KCNQ1: variants seen among roughly 807,000 people sequenced by gnomAD.
KCNQ1 encodes the protein potassium voltage-gated channel subfamily KQT member 1.
A neutral mutation model predicts 72.4 loss-of-function variants in KCNQ1; 49 were observed. That is an observed-to-expected ratio of 0.68 (90% CI 0.54 to 0.86). KCNQ1 has a LOEUF of 0.86. KCNQ1 is among the 40% of genes least tolerant of loss of function. The probability of loss-of-function intolerance (pLI) is 0.00; values close to 1 mark genes in which losing one functional copy is unlikely to be tolerated. For synonymous variants in KCNQ1, 450 were observed against 412.6 expected (o/e 1.09, Z -1.10); for missense variants, 790 against 945.1 (o/e 0.84, Z 2.15).
At position 2,617,386 on chromosome 11, in the gene KCNQ1, T is replaced by C. The variant is rs1020569572; in HGVS notation, c.1393+28532T>C. ...GCACAATGTCTTCCAGTTTCATCCATGTGGCAAGTGGCAGGATCTCCTTTT... is the reference window on the plus strand; with the variant it reads ...GCACAATGTCTTCCAGTTTCATCCACGTGGCAAGTGGCAGGATCTCCTTTT... On this transcript the variant is annotated intron_variant, in intron 10 of 15. Transcript: ENST00000155840. The surrounding 1 kb of genome is among the most constrained non-coding windows in gnomAD (Gnocchi z 4.6). 2.5e-6 allele frequency: 1 copy of C among 398,356 alleles called. No individual in the cohort carries two copies. Among genetic ancestry groups the C allele is most frequent in the Admixed American group, 4.4e-5 (1 of 22,700 alleles). The allele number at this position is 398,356 out of a possible 1,614,324, so 24.7% of individuals were successfully genotyped here.
At chr11:2,540,011 G>A (rs1847797453) in intron 2 of KCNQ1, among the ~76,000 whole-genome samples, 1 of 152,224 alleles carries the variant, frequency 6.6e-6, no homozygotes, top group Non-Finnish European at 1.5e-5. Flanking sequence ...GGCGCAGGCA[G>A]GCTTGGGGGA....
chr11:2,747,282 G>C (rs1846156470), intron 11 of KCNQ1, among the ~76,000 whole-genome samples: 1 of 152,238 alleles, frequency 6.6e-6, no homozygotes, highest in Non-Finnish European at 1.5e-5. Context: ...ACTGTGCAAA[G>C]GACATTAATT....
At chr11:2,583,139 G>A (rs1206275730) in intron 6 of KCNQ1, among the ~76,000 whole-genome samples, 1 of 152,134 alleles carries the variant, frequency 6.6e-6, no homozygotes, top group African/African-American at 2.4e-5. Context: ...GGCAGCCGGT[G>A]TGGGGCGAGC....
At chr11:2,610,713 T>TG (rs2133790355) in intron 10 of KCNQ1, 1 of 384,310 alleles carries the variant, frequency 2.6e-6, no homozygotes, top group East Asian at 3.7e-5. Context: ...TATTCTTGGT[T>TG]GGCTTTTTTT....
rs1850221919 is a variant in KCNQ1 at position 2,673,368 on chromosome 11, G to C, written c.1514+11287G>C. On this transcript the variant is annotated intron_variant, in intron 11 of 15. Transcript: ENST00000155840. The surrounding 1 kb of genome is among the most constrained non-coding windows in gnomAD (Gnocchi z 4.5). ...CATTAGCAAACAAAGGGAAGTGACAGAGCAGAGCTCCCCTTGGCCTTTGTT... is the reference window on the plus strand; with the variant it reads ...CATTAGCAAACAAAGGGAAGTGACACAGCAGAGCTCCCCTTGGCCTTTGTT... 2.5e-6 allele frequency: 1 copy of C among 398,606 alleles called. No homozygotes were observed. Among genetic ancestry groups the C allele is most frequent in the Non-Finnish European group, 4.4e-6 (1 of 226,104 alleles). 24.7% of individuals were successfully genotyped at this position (398,606 alleles called of 1,614,324 possible). A position where few individuals can be genotyped will look rare whatever the true frequency, so the allele number is the denominator to read the frequency against.
intron 15 of KCNQ1, among the ~76,000 whole-genome samples, chr11:2,838,920 C>T (rs892453526): frequency 2.0e-5 from 3 of 151,552 alleles, no homozygotes; most frequent in African/African-American, 4.9e-5. Flanking sequence ...AGCACAAACA[C>T]GGCTCCTGGG....
At chr11:2,810,864 A>G (rs1175125202) in intron 15 of KCNQ1, among the ~76,000 whole-genome samples, 1 of 152,182 alleles carries the variant, frequency 6.6e-6, no homozygotes, top group Non-Finnish European at 1.5e-5. Flanking sequence ...CTCGAGGTAC[A>G]GGGCTGGCAG....
At chr11:2,582,754 A>G (rs1442190098) in intron 6 of KCNQ1, among the ~76,000 whole-genome samples, 1 of 152,082 alleles carries the variant, frequency 6.6e-6, no homozygotes, top group Non-Finnish European at 1.5e-5. Flanking sequence ...GCCTGCACGG[A>G]CCAGGCCCAG....
At chr11:2,629,213 T>C (rs376087860) in intron 10 of KCNQ1, 5 of 398,286 alleles carry the variant, frequency 1.3e-5, no homozygotes, top group East Asian at 7.1e-5. Context: ...ATTTATTCTA[T>C]TGATCTATGA....
intron 1 of KCNQ1, among the ~76,000 whole-genome samples, chr11:2,512,235 C>A (rs1847221198): frequency 6.6e-6 from 1 of 152,198 alleles, no homozygotes; most frequent in Non-Finnish European, 1.5e-5. Flanking sequence ...CTCAGCCTTC[C>A]CTGGACTCAG....
At chr11:2,554,252 G>C (rs1008479607) in intron 2 of KCNQ1, among the ~76,000 whole-genome samples, 2 of 152,240 alleles carry the variant, frequency 1.3e-5, no homozygotes, top group African/African-American at 4.8e-5. Flanking sequence ...TTGATAGCTA[G>C]AACATGTGGA....
chr11:2,705,507 C>T (rs545180366), intron 11 of KCNQ1, among the ~76,000 whole-genome samples: 20 of 152,308 alleles, frequency 1.3e-4, no homozygotes, highest in Admixed American at 7.8e-4. Flanking sequence ...GTGAACTGGG[C>T]CTGCCAGACC....
intron 10 of KCNQ1, chr11:2,609,947 G>T (rs908537924): frequency 5.0e-6 from 2 of 397,838 alleles, no homozygotes; most frequent in African/African-American, 4.1e-5. Context: ...GATGGATCCT[G>T]TTTTTCAAAT....
At position 2,653,164 on chromosome 11, in the gene KCNQ1, G is replaced by A. The variant is rs917499506; in HGVS notation, c.1394-8797G>A. The A allele has an allele frequency of 2.5e-6, 1 of 398,600 alleles. No individual in the cohort carries two copies. The highest frequency in any genetic ancestry group is 4.4e-6 in the Non-Finnish European group (1 of 226,124). The allele number at this position is 398,600 out of a possible 1,614,324, so 24.7% of individuals were successfully genotyped here. A position where few individuals can be genotyped will look rare whatever the true frequency, so the allele number is the denominator to read the frequency against. Reference sequence around the variant, plus strand: ...AGTAGAAAGCCAATGTCCCACCTTAGGAAATCCCTTTCCAAGAGTTCCCTG... The same window carrying A: ...AGTAGAAAGCCAATGTCCCACCTTAAGAAATCCCTTTCCAAGAGTTCCCTG... On this transcript the variant is annotated intron_variant, in intron 10 of 15. Transcript: ENST00000155840. The surrounding 1 kb of genome is among the most constrained non-coding windows in gnomAD (Gnocchi z 5.3).
chr11:2,679,141 C>T lies in KCNQ1; in HGVS notation c.1514+17060C>T. On this transcript the variant is annotated intron_variant, in intron 11 of 15. Transcript: ENST00000155840. This position sits in a 1 kb window ranked among gnomAD's most constrained non-coding sequence, Gnocchi z 4.8. Reference sequence around the variant, plus strand: ...TGTGCAGGCCAAAATGGTTTCATGGCATGAGTTGGGCAGCAGCGACTCAGT... The same window carrying T: ...TGTGCAGGCCAAAATGGTTTCATGGTATGAGTTGGGCAGCAGCGACTCAGT... 2.5e-6 allele frequency: 1 copy of T among 398,622 alleles called. No individual in the cohort carries two copies. Among genetic ancestry groups the T allele is most frequent in the Non-Finnish European group, 4.4e-6 (1 of 226,078 alleles). The allele number at this position is 398,622 out of a possible 1,614,324, so 24.7% of individuals were successfully genotyped here. A position where few individuals can be genotyped will look rare whatever the true frequency, so the allele number is the denominator to read the frequency against.
At position 2,541,625 on chromosome 11, in the gene KCNQ1, G is replaced by A. The variant is rs560088707; in HGVS notation, c.477+13607G>A. Among the ~76,000 whole-genome samples the A allele has an allele frequency of 1.3e-3, 203 of 151,978 alleles. 2 individuals carry two copies. The highest frequency in any genetic ancestry group is 4.8e-3 in the African/African-American group (198 of 41,426). On this transcript the variant is annotated intron_variant, in intron 2 of 15. Transcript: ENST00000155840. This position sits in a 1 kb window ranked among gnomAD's most constrained non-coding sequence, Gnocchi z 4.8. ...TTGTGAGCAGGGCTTTGTCCCCACC[G>A]TTAGGATACTCTGAACGTTCCCAGA...
Position 2,647,733 on chromosome 11 carries a change from T to A in KCNQ1, c.1394-14228T>A. 2.5e-6 allele frequency: 1 copy of A among 398,548 alleles called. No individual in the cohort carries two copies. Among genetic ancestry groups the A allele is most frequent in the East Asian group, 3.6e-5 (1 of 28,046 alleles). 24.7% of individuals were successfully genotyped at this position (398,548 alleles called of 1,614,324 possible). A position where few individuals can be genotyped will look rare whatever the true frequency, so the allele number is the denominator to read the frequency against. On this transcript the variant is annotated intron_variant, in intron 10 of 15. Transcript: ENST00000155840. The surrounding 1 kb of genome is among the most constrained non-coding windows in gnomAD (Gnocchi z 4.0). ...TGGTTCAATCTTGGGAGGTTATATA[T>A]GTCCAGGAATTTATCTCTTTCCTCT...
intron 11 of KCNQ1, chr11:2,688,409 G>T (rs1590033521): frequency 2.5e-6 from 1 of 398,772 alleles, no homozygotes; most frequent in African/African-American, 2.1e-5. Flanking sequence ...CTGATCCTCT[G>T]TGTAGGCACT....
chr11:2,740,422 A>G (rs1001034555), intron 11 of KCNQ1, among the ~76,000 whole-genome samples: 1 of 152,228 alleles, frequency 6.6e-6, no homozygotes, highest in Non-Finnish European at 1.5e-5. Context: ...CAGGTGTTCA[A>G]AGATATGGAA....
Sources: gnomAD v4.1 joint callset for allele counts (sites outside exome capture counted in the v4.1 genomes callset) on GRCh38, gnomAD v4.1.1 for gene constraint, Gnocchi (gnomAD v3.1) non-coding constraint, MANE v1.5 for transcripts, NCBI Gene and HGNC (gene_info 2026-07-23, HGNC 2026-07-21) for gene names.